SLC7A2: variants seen among roughly 807,000 people sequenced by gnomAD.
SLC7A2 encodes the protein solute carrier family 7 member 2.
A neutral mutation model predicts 58.9 loss-of-function variants in SLC7A2; 48 were observed. That is an observed-to-expected ratio of 0.82 (90% CI 0.65 to 1.04). The LOEUF is 1.04. SLC7A2 is among the 50% of genes least tolerant of loss of function. The pLI, the probability that SLC7A2 is intolerant of heterozygous loss-of-function variation, is 0.00. For synonymous variants in SLC7A2, 363 were observed against 314.5 expected (o/e 1.15, Z -1.63); for missense variants, 1,029 against 818.8 (o/e 1.26, Z -3.13).
chr8:17,550,494 G>C, intron 6 of SLC7A2, 60 bp downstream of exon 6: 1 of 1,513,982 alleles, frequency 6.6e-7, no homozygotes, highest in Non-Finnish European at 9.0e-7. Flanking sequence ...ACGAGTACCC[G>C]TGTGTGGTAG....
intron 7 of SLC7A2, among the ~76,000 whole-genome samples, chr8:17,553,166 G>A (rs1277465385): frequency 6.6e-6 from 1 of 152,084 alleles, no homozygotes; most frequent in Non-Finnish European, 1.5e-5. Context: ...GATCTCCCCA[G>A]TTCAGCCTCC....
intron 2 of SLC7A2, among the ~76,000 whole-genome samples, chr8:17,537,912 A>C (rs1304688316): frequency 6.6e-6 from 1 of 152,130 alleles, no homozygotes; most frequent in African/African-American, 2.4e-5. Flanking sequence ...CCCAAGCCTA[A>C]ACACAAAAGT....
intron 2 of SLC7A2, among the ~76,000 whole-genome samples, chr8:17,502,696 G>A (rs1187325004): frequency 6.6e-6 from 1 of 152,216 alleles, no homozygotes; most frequent in South Asian, 2.1e-4. Context: ...ACAGTTTTTA[G>A]TCTACTCAGG....
chr8:17,528,972 A>C (rs1801330208), intron 2 of SLC7A2, among the ~76,000 whole-genome samples: 1 of 152,144 alleles, frequency 6.6e-6, no homozygotes, highest in Admixed American at 6.6e-5. Context: ...TTCTGAAGGG[A>C]AGATGAGAGG....
intron 8 of SLC7A2, among the ~76,000 whole-genome samples, chr8:17,555,348 G>C (rs927522106): frequency 6.6e-6 from 1 of 151,880 alleles, no homozygotes; most frequent in Non-Finnish European, 1.5e-5. Flanking sequence ...ATGTACAAAG[G>C]GTTATAATAG....
At chr8:17,545,029 G>A (rs889944794) in intron 4 of SLC7A2, among the ~76,000 whole-genome samples, 1 of 152,166 alleles carries the variant, frequency 6.6e-6, no homozygotes, top group African/African-American at 2.4e-5. Context: ...TCTATATAAT[G>A]TAGGCCTTTG....
chr8:17,501,683 T>C (rs1263302803), intron 1 of SLC7A2, among the ~76,000 whole-genome samples: 1 of 152,046 alleles, frequency 6.6e-6, no homozygotes, highest in Non-Finnish European at 1.5e-5. Context: ...ATTTAATTTT[T>C]CACCGTATCC....
In SLC7A2 at chr8:17,568,094, A is replaced by C. The variant is rs945908114; in HGVS notation, c.*2948A>C. The C allele has an allele frequency of 1.2e-4, 18 of 152,162 alleles. No homozygotes were observed. Among genetic ancestry groups the C allele is most frequent in the African/African-American group, 3.4e-4 (14 of 41,420 alleles). 9.4% of individuals were successfully genotyped at this position (152,162 alleles called of 1,614,324 possible). A position where few individuals can be genotyped will look rare whatever the true frequency, so the allele number is the denominator to read the frequency against. On this transcript the variant is annotated 3_prime_UTR_variant, in exon 13 of 13. Coordinates refer to ENST00000494857, the MANE Select transcript of SLC7A2 (RefSeq NM_001370338.1). ...CTAGTAATCAATCAAAATTATATAA[A>C]GTCTTCTCCAGTAATTAAGAAATAC...
Position 17,565,016 on chromosome 8 carries a change from A to G in SLC7A2, c.1847A>G (p.Asn616Ser), listed in dbSNP as rs141765192. The change falls in exon 13 of 13, where the codon AAT becomes AGT. Residue 616 changes from asparagine (N) to serine (S), a missense_variant. Transcript: ENST00000494857. ...GAGGGTCATCTGAGAGATGAAAACA[A>G]TGAAGAAGATGCTTATCCAGACAAC... is the stretch of plus-strand genomic sequence containing the variant. ...SLEGHLRDEN[N>S]EEDAYPDNVH... The G allele has an allele frequency of 6.8e-6, 11 of 1,613,826 alleles. No homozygotes were observed. Among genetic ancestry groups the G allele is most frequent in the Middle Eastern group, 1.6e-4 (1 of 6,082 alleles).
At position 17,569,042 on chromosome 8, in the gene SLC7A2, A is replaced by G. The variant is rs1803396261; in HGVS notation, c.*3896A>G. On this transcript the variant is annotated 3_prime_UTR_variant, in exon 13 of 13. Coordinates refer to ENST00000494857, the MANE Select transcript of SLC7A2 (RefSeq NM_001370338.1). ...TTCTAAATTTATTTAAATGCTTAGC[A>G]GGAAGCATAAGGAAAAGCCATCGGC... is the stretch of plus-strand genomic sequence containing the variant. The G allele has an allele frequency of 6.6e-6, 1 of 152,222 alleles. No homozygotes were observed. Among genetic ancestry groups the G allele is most frequent in the South Asian group, 2.1e-4 (1 of 4,826 alleles). The allele number at this position is 152,222 out of a possible 1,614,324, so 9.4% of individuals were successfully genotyped here. A position where few individuals can be genotyped will look rare whatever the true frequency, so the allele number is the denominator to read the frequency against.
chr8:17,554,195 T>C (rs2150762132), intron 7 of SLC7A2, among the ~76,000 whole-genome samples: 1 of 152,348 alleles, frequency 6.6e-6, no homozygotes, highest in South Asian at 2.1e-4. Flanking sequence ...AATTTTATTT[T>C]CCAAGTTGTT....
intron 2 of SLC7A2, among the ~76,000 whole-genome samples, chr8:17,524,431 C>T (rs942049226): frequency 6.8e-4 from 102 of 150,890 alleles, no homozygotes; most frequent in African/African-American, 2.1e-3. Context: ...TACACACACA[C>T]ACACACACAC....
intron 2 of SLC7A2, among the ~76,000 whole-genome samples, chr8:17,531,090 A>G (rs1478507995): frequency 1.3e-5 from 2 of 152,294 alleles, no homozygotes; most frequent in South Asian, 4.1e-4. Flanking sequence ...CTGGGAGATA[A>G]CAGGGCTGGT....
chr8:17,527,169 A>G (rs1801254545), intron 2 of SLC7A2, among the ~76,000 whole-genome samples: 1 of 152,232 alleles, frequency 6.6e-6, no homozygotes, highest in African/African-American at 2.4e-5. Context: ...GTGTTATAAC[A>G]TGACCTCAAA....
intron 2 of SLC7A2, among the ~76,000 whole-genome samples, chr8:17,503,724 G>A (rs1800259534): frequency 6.6e-6 from 1 of 152,180 alleles, no homozygotes; most frequent in Non-Finnish European, 1.5e-5. Context: ...GAATTCCTGT[G>A]GGAAAAGCCT....
chr8:17,564,764 C>A (rs1018092860), intron 12 of SLC7A2, among the ~76,000 whole-genome samples, 186 bp from the exon 13 acceptor site: 65 of 152,234 alleles, frequency 4.3e-4, no homozygotes, highest in African/African-American at 1.5e-3. Context: ...TTGCTCACTT[C>A]CTGTTGTGTG....
chr8:17,529,358 T>G (rs1405613893), intron 2 of SLC7A2, among the ~76,000 whole-genome samples: 1 of 107,994 alleles, frequency 9.3e-6, no homozygotes, highest in Non-Finnish European at 2.1e-5. Context: ...GCCAGTCATT[T>G]ATGGCCAGCG....
At chr8:17,564,914 C>G (rs1362558602) in intron 12 of SLC7A2, 36 bp from the exon 13 acceptor site, 2 of 1,503,466 alleles carry the variant, frequency 1.3e-6, no homozygotes, top group African/African-American at 2.8e-5. Flanking sequence ...TCTGACATAC[C>G]TGAAACATTG....
chr8:17,559,100 G>A (rs917948252), intron 9 of SLC7A2, among the ~76,000 whole-genome samples: 8 of 152,024 alleles, frequency 5.3e-5, no homozygotes, highest in Non-Finnish European at 8.8e-5. Flanking sequence ...TTCTCAGTGA[G>A]CCTATTTCTT....
Sources: gnomAD v4.1 joint callset for allele counts (sites outside exome capture counted in the v4.1 genomes callset) on GRCh38, gnomAD v4.1.1 for gene constraint, MANE v1.5 for transcripts, NCBI Gene and HGNC (gene_info 2026-07-23, HGNC 2026-07-21) for gene names.